UBAP2: variants seen among roughly 807,000 people sequenced by gnomAD.
UBAP2 encodes the protein ubiquitin associated protein 2, also known as ubiquitin-associated protein 2.
In UBAP2, 75 loss-of-function variants were observed where a neutral mutation model predicts 139.6. The ratio of observed to expected loss-of-function variants is 0.54; its 90% CI spans 0.45 to 0.65. UBAP2 has a LOEUF of 0.65. Ranked by LOEUF, UBAP2 falls within the 30% of genes least tolerant of loss-of-function variation. UBAP2 has a pLI of 0.00. For missense variants in UBAP2, 1,368 were observed against 1,369.6 expected (o/e 1.00, Z 0.02); for synonymous variants, 526 against 526.2 (o/e 1.00, Z 0.01).
intron 16 of UBAP2, among the ~76,000 whole-genome samples, chr9:33,939,432 C>T (rs1564021402): frequency 6.6e-6 from 1 of 151,668 alleles, no homozygotes; most frequent in Non-Finnish European, 1.5e-5. Flanking sequence ...CTCCTGATCT[C>T]AGGTGATCTG....
intron 16 of UBAP2, among the ~76,000 whole-genome samples, chr9:33,938,286 G>A (rs1824776314): frequency 6.6e-6 from 1 of 151,844 alleles, no homozygotes; most frequent in African/African-American, 2.4e-5. Flanking sequence ...GCACCACCAC[G>A]CCCAGCCACT....
intron 1 of UBAP2, among the ~76,000 whole-genome samples, chr9:34,027,987 T>C (rs1163993150): frequency 6.6e-6 from 1 of 150,758 alleles, no homozygotes; most frequent in Non-Finnish European, 1.5e-5. Flanking sequence ...GAAACTCAAC[T>C]ATGAGATCCA....
At chr9:34,044,033 G>A (rs1827334825) in intron 1 of UBAP2, among the ~76,000 whole-genome samples, 1 of 142,782 alleles carries the variant, frequency 7.0e-6, no homozygotes, top group Admixed American at 7.6e-5. Context: ...GGAGATTGCA[G>A]TGAACAGAGA....
intron 1 of UBAP2, among the ~76,000 whole-genome samples, chr9:34,027,289 T>C (rs1003147538): frequency 6.6e-6 from 1 of 151,556 alleles, no homozygotes; most frequent in African/African-American, 2.4e-5. Context: ...GAGATGAGCC[T>C]GGCCAACATA....
chr9:34,047,844 C>A (rs2131393482), intron 1 of UBAP2, among the ~76,000 whole-genome samples: 1 of 152,334 alleles, frequency 6.6e-6, no homozygotes, highest in East Asian at 1.9e-4. Context: ...TAAAATCTCT[C>A]AACTGTTAGG....
chr9:33,939,730 G>A (rs1302352463), intron 16 of UBAP2, among the ~76,000 whole-genome samples: 1 of 114,340 alleles, frequency 8.7e-6, no homozygotes, highest in Non-Finnish European at 1.8e-5. Flanking sequence ...ATGAAGAAGA[G>A]AAGGAGAGGG....
intron 1 of UBAP2, among the ~76,000 whole-genome samples, chr9:34,018,120 G>A (rs187469245): frequency 1.9e-4 from 28 of 150,428 alleles, no homozygotes; most frequent in Admixed American, 1.3e-3. Flanking sequence ...CCAAGAGTTT[G>A]AGACCAGCCT....
At chr9:34,022,500 C>T (rs1399862546) in intron 1 of UBAP2, among the ~76,000 whole-genome samples, 1 of 147,934 alleles carries the variant, frequency 6.8e-6, no homozygotes, top group African/African-American at 2.5e-5. Context: ...TGCAGTGGCA[C>T]GATCTCGGCC....
chr9:34,047,442 A>C (rs1269084641), intron 1 of UBAP2, among the ~76,000 whole-genome samples: 1 of 152,070 alleles, frequency 6.6e-6, no homozygotes, highest in African/African-American at 2.4e-5. Flanking sequence ...AAAGGGGAAC[A>C]CACCAATGTA....
chr9:33,929,938 A>G (rs1823818404), intron 19 of UBAP2, among the ~76,000 whole-genome samples: 1 of 152,212 alleles, frequency 6.6e-6, no homozygotes, highest in Non-Finnish European at 1.5e-5. Context: ...TGGGAGGTGG[A>G]GGTTGCACTA....
chr9:33,924,177 G>A (rs756456490), intron 23 of UBAP2, 29 bp downstream of exon 23: 1 of 1,612,366 alleles, frequency 6.2e-7, no homozygotes, highest in Non-Finnish European at 8.5e-7. Context: ...CCGGCCCCGG[G>A]CTACTCCTCA....
chr9:33,922,773 C>G lies in UBAP2; in HGVS notation c.3178G>C (p.Ala1060Pro), dbSNP rs767370789. ...PLASGAAPGY[A>P]PPPFLHILPA... is the part of the protein sequence containing the mutation. ...AAGATGTGTAGGAATGGTGGGGGTGCATAGCCAGGGGCCGCTCCCGAGGCC... is the reference window on the plus strand; with the variant it reads ...AAGATGTGTAGGAATGGTGGGGGTGGATAGCCAGGGGCCGCTCCCGAGGCC... The change falls in exon 28 of 29, where the codon GCA becomes CCA. Residue 1060 changes from alanine (A) to proline (P), a missense_variant. Transcript: ENST00000379238. The G allele has an allele frequency of 6.4e-6, 10 of 1,560,600 alleles. No homozygotes were observed. Among genetic ancestry groups the G allele is most frequent in the Non-Finnish European group, 8.7e-6 (10 of 1,153,814 alleles).
chr9:33,991,211 A>G (rs1564051300), intron 4 of UBAP2, among the ~76,000 whole-genome samples: 2 of 152,142 alleles, frequency 1.3e-5, no homozygotes, highest in East Asian at 3.9e-4. Context: ...AATTGAACCT[A>G]GAAGGCTTGA....
chr9:34,008,191 G>A (rs1280466679), intron 2 of UBAP2, among the ~76,000 whole-genome samples: 1 of 152,006 alleles, frequency 6.6e-6, no homozygotes, highest in Non-Finnish European at 1.5e-5. Flanking sequence ...GGTGGCGCAT[G>A]CCTGTAATCC....
intron 1 of UBAP2, among the ~76,000 whole-genome samples, chr9:34,035,711 A>C: frequency 6.6e-6 from 1 of 151,234 alleles, no homozygotes; most frequent in Non-Finnish European, 1.5e-5. Flanking sequence ...ACAAACAAAC[A>C]CTATCAACAA....
Position 33,943,754 on chromosome 9 carries a change from A to G in UBAP2, c.1546-165T>C, listed in dbSNP as rs890401353. 2.6e-5 allele frequency among the ~76,000 whole-genome samples: 4 copies of G among 151,978 alleles called. No individual in the cohort carries two copies. The South Asian group carries it at 8.3e-4, about 32-fold the overall frequency. On this transcript the variant is annotated intron_variant, in intron 14 of 28. Transcript: ENST00000379238. ...CTAAGACTTTTCTAAAAAGAGAAAG[A>G]AAAAAAACAAGCTAAGAAAAATTAA...
intron 1 of UBAP2, among the ~76,000 whole-genome samples, chr9:34,026,238 C>CA (rs1357567060): frequency 1.3e-5 from 2 of 152,178 alleles, no homozygotes; most frequent in African/African-American, 4.8e-5. Context: ...CATACTTACA[C>CA]TGCATGTATT....
At position 34,035,514 on chromosome 9, in the gene UBAP2, A is replaced by AATATATATAT. The variant is rs1554692782; in HGVS notation, c.-42+13301_-42+13310dup. ...GAGACTCCATCTAAAAAAAAAAAAA[A>AATATATATAT]ATATATATATATAAAGATTAGCCAG... On this transcript the variant is annotated intron_variant, in intron 1 of 28. Coordinates refer to ENST00000379238, the MANE Select transcript of UBAP2 (RefSeq NM_001370062.2). Among the ~76,000 whole-genome samples the AATATATATAT allele has an allele frequency of 9.0e-3, 203 of 22,486 alleles. 33 individuals are homozygous for AATATATATAT. The highest frequency in any genetic ancestry group is 0.039 in the South Asian group (40 of 1,032). The allele number at this position is 22,486 out of a possible 152,430, so 14.8% of individuals were successfully genotyped here.
At chr9:34,007,502 T>A (rs1823327569) in intron 2 of UBAP2, among the ~76,000 whole-genome samples, 2 of 148,388 alleles carry the variant, frequency 1.3e-5, no homozygotes, top group East Asian at 2.0e-4. Flanking sequence ...AAAAAAAAAA[T>A]AGCCTTTATT....
Sources: gnomAD v4.1 joint callset for allele counts (sites outside exome capture counted in the v4.1 genomes callset) on GRCh38, gnomAD v4.1.1 for gene constraint, MANE v1.5 for transcripts, NCBI Gene and HGNC (gene_info 2026-07-23, HGNC 2026-07-21) for gene names.